SLC38A7: variants seen among roughly 807,000 people sequenced by gnomAD.
The protein encoded by SLC38A7 is sodium-coupled neutral amino acid transporter 7.
A neutral mutation model predicts 50.1 loss-of-function variants in SLC38A7; 29 were observed. The ratio of observed to expected loss-of-function variants is 0.58; its 90% CI spans 0.43 to 0.79. SLC38A7 has a LOEUF of 0.79. Among genes scored for constraint, SLC38A7 ranks in the 30% least tolerant of loss-of-function variants. The pLI is 0.00. For synonymous variants in SLC38A7, 244 were observed against 245.9 expected (o/e 0.99, Z 0.07); for missense variants, 483 against 610.6 (o/e 0.79, Z 2.20).
In SLC38A7 at chr16:58,678,550, G is replaced by A; in HGVS notation, c.470-76C>T. 2 of 1,553,234 alleles carry A rather than the reference G, an allele frequency of 1.3e-6. No individual in the cohort carries two copies. The highest frequency in any genetic ancestry group is 1.2e-5 in the South Asian group (1 of 81,552). Reference sequence around the variant, plus strand: ...GCCCTCCTGCTCTGCTGGGCCCCAGGACCTCCCTCTGCCTGGAGGGAGGAT... The same window carrying A: ...GCCCTCCTGCTCTGCTGGGCCCCAGAACCTCCCTCTGCCTGGAGGGAGGAT... On this transcript the variant is annotated intron_variant, in intron 4 of 11. Coordinates refer to ENST00000219320, the MANE Select transcript of SLC38A7 (RefSeq NM_018231.3). The surrounding 1 kb of genome is among the most constrained non-coding windows in gnomAD (Gnocchi z 4.0).
At chr16:58,669,050 G>GT (rs1567468713) in intron 11 of SLC38A7, among the ~76,000 whole-genome samples, 1 of 139,548 alleles carries the variant, frequency 7.2e-6, no homozygotes, top group Non-Finnish European at 1.5e-5. Flanking sequence ...GATTACAGGC[G>GT]TGAGTCACTG....
intron 7 of SLC38A7, 80 bp from the exon 8 acceptor site, chr16:58,676,134 G>T: frequency 1.3e-6 from 2 of 1,555,600 alleles, no homozygotes; most frequent in South Asian, 1.1e-5. Context: ...TGGGAACAAA[G>T]ACCCCAGGAA....
chr16:58,678,970 A>AAATG lies in SLC38A7; in HGVS notation c.271-77_271-76insCATT. ...GGCACCCTGGGCTCGCCTAGCATTTACTGGGCCAGTGCCCAAAGCAAGCTT... is the reference window on the plus strand; with the variant it reads ...GGCACCCTGGGCTCGCCTAGCATTTAAATGCTGGGCCAGTGCCCAAAGCAAGCTT... On this transcript the variant is annotated intron_variant, in intron 3 of 11. Transcript: ENST00000219320. This position sits in a 1 kb window ranked among gnomAD's most constrained non-coding sequence, Gnocchi z 4.0. 1 of 1,448,856 alleles carries AAATG rather than the reference A, an allele frequency of 6.9e-7. No homozygotes were observed. The highest frequency in any genetic ancestry group is 9.5e-7 in the Non-Finnish European group (1 of 1,055,636). 89.8% of individuals were successfully genotyped at this position (1,448,856 alleles called of 1,614,324 possible). A position where few individuals can be genotyped will look rare whatever the true frequency, so the allele number is the denominator to read the frequency against.
Position 58,678,675 on chromosome 16 carries a change from G to A in SLC38A7, c.469+21C>T, listed in dbSNP as rs1351550195. On this transcript the variant is annotated intron_variant, in intron 4 of 11. Coordinates refer to ENST00000219320, the MANE Select transcript of SLC38A7 (RefSeq NM_018231.3). This position sits in a 1 kb window ranked among gnomAD's most constrained non-coding sequence, Gnocchi z 4.0. ...GGGGCTGATAAGAAGAGATGGGGTAGGGACTGAGGGAGAAGCTCACTCTTG... is the reference window on the plus strand; with the variant it reads ...GGGGCTGATAAGAAGAGATGGGGTAAGGACTGAGGGAGAAGCTCACTCTTG... The A allele has an allele frequency of 1.7e-5, 27 of 1,612,172 alleles. No individual in the cohort carries two copies. Among genetic ancestry groups the A allele is most frequent in the Non-Finnish European group, 2.3e-5 (27 of 1,179,246 alleles).
At position 58,667,249 on chromosome 16, in the gene SLC38A7, C is replaced by T. The variant is rs1597659953; in HGVS notation, c.*136G>A. 4.5e-6 allele frequency: 4 copies of T among 893,064 alleles called. No homozygotes were observed. The East Asian group carries it at 1.0e-4, about 23-fold the overall frequency. 55.3% of individuals were successfully genotyped at this position (893,064 alleles called of 1,614,324 possible). A position where few individuals can be genotyped will look rare whatever the true frequency, so the allele number is the denominator to read the frequency against. ...CCAGAGGTGTGGGGCCTGAGTTTGC[C>T]CCAGTCCCTGGAAGAGGATGTCCGG... On this transcript the variant is annotated 3_prime_UTR_variant, in exon 12 of 12. Transcript: ENST00000219320.
chr16:58,680,203 C>A lies in SLC38A7; in HGVS notation c.-77G>T, dbSNP rs973552603. 30 of 1,455,358 alleles carry A rather than the reference C, an allele frequency of 2.1e-5. No individual in the cohort carries two copies. Among genetic ancestry groups the A allele is most frequent in the Non-Finnish European group, 2.7e-5 (30 of 1,102,408 alleles). The allele number at this position is 1,455,358 out of a possible 1,614,324, so 90.2% of individuals were successfully genotyped here. Reference sequence around the variant, plus strand: ...CATGCCTCAGGGAGCTGAGCAACACCCACCTGTTTGGGGCTGTTAGCTTAG... The same window carrying A: ...CATGCCTCAGGGAGCTGAGCAACACACACCTGTTTGGGGCTGTTAGCTTAG... On this transcript the variant is annotated 5_prime_UTR_variant, in exon 3 of 12. Transcript: ENST00000219320.
chr16:58,680,024 G>A lies in SLC38A7; in HGVS notation c.103C>T (p.Pro35Ser). 6.2e-7 allele frequency: 1 copy of A among 1,609,984 alleles called. No individual in the cohort carries two copies. The change falls in exon 3 of 12, where the codon CCC becomes TCC. Residue 35 changes from proline to serine, a missense_variant. Transcript: ENST00000219320. ...LLQSPCVDTA[P>S]KSEWEASPGG... Reference sequence around the variant, plus strand: ...GGAGAGGCTTCCCACTCACTCTTGGGGGCTGTGTCCACACAGGGACTCTGC... The same window carrying A: ...GGAGAGGCTTCCCACTCACTCTTGGAGGCTGTGTCCACACAGGGACTCTGC...
Position 58,678,538 on chromosome 16 carries a change from G to A in SLC38A7, c.470-64C>T. 1 of 1,551,630 alleles carries A rather than the reference G, an allele frequency of 6.4e-7. No homozygotes were observed. Among genetic ancestry groups the A allele is most frequent in the Non-Finnish European group, 8.7e-7 (1 of 1,145,290 alleles). ...CCATGGGGTGTGGCCCTCCTGCTCT[G>A]CTGGGCCCCAGGACCTCCCTCTGCC... On this transcript the variant is annotated intron_variant, in intron 4 of 11. Transcript: ENST00000219320. This position sits in a 1 kb window ranked among gnomAD's most constrained non-coding sequence, Gnocchi z 4.0.
chr16:58,670,276 A>C, intron 10 of SLC38A7, 109 bp from the exon 11 acceptor site: 1 of 1,031,508 alleles, frequency 9.7e-7, no homozygotes. Flanking sequence ...GCCCATGTTT[A>C]CTCTTCTAGA....
In SLC38A7 at chr16:58,679,845, C is replaced by G; in HGVS notation, c.270+12G>C. On this transcript the variant is annotated intron_variant, in intron 3 of 11. Transcript: ENST00000219320. ...TGAACTGCACCTCTGCCCTCCCGGC[C>G]AGTGCACTCACCATCTGCAGTGCGA... is the stretch of plus-strand genomic sequence containing the variant. The G allele has an allele frequency of 1.2e-6, 2 of 1,613,380 alleles. No individual in the cohort carries two copies. Among genetic ancestry groups the G allele is most frequent in the Non-Finnish European group, 1.7e-6 (2 of 1,180,014 alleles).
intron 8 of SLC38A7, among the ~76,000 whole-genome samples, chr16:58,675,624 A>G (rs1358378924): frequency 6.6e-6 from 1 of 152,208 alleles, no homozygotes; most frequent in Non-Finnish European, 1.5e-5. Context: ...TTACTCCTGC[A>G]TGACTGTCTC....
Position 58,680,234 on chromosome 16 carries a change from T to G in SLC38A7, c.-108A>C, listed in dbSNP as rs1468756720. 1.6e-6 allele frequency: 2 copies of G among 1,289,054 alleles called. No homozygotes were observed. Among genetic ancestry groups the G allele is most frequent in the African/African-American group, 3.0e-5 (2 of 66,744 alleles). The allele number at this position is 1,289,054 out of a possible 1,614,324, so 79.9% of individuals were successfully genotyped here. A position where few individuals can be genotyped will look rare whatever the true frequency, so the allele number is the denominator to read the frequency against. On this transcript the variant is annotated 5_prime_UTR_variant, in exon 3 of 12. Transcript: ENST00000219320. ...GTTTGGGGCTGTTAGCTTAGGACTC[T>G]TCTCAACCTAGATGGGACAAAGGCA...
intron 8 of SLC38A7, chr16:58,675,346 G>GA (rs58028000): frequency 0.19 from 62,593 of 322,392 alleles, 1,408 homozygotes; most frequent in Non-Finnish European, 0.21. Flanking sequence ...GTCTCTGCTA[G>GA]AAAAAAAAAA....
rs189625164 is a variant in SLC38A7, at chr16:58,667,306, C to G, written c.*79G>C. ...TCCCACCAGTTGGAATGATCGTGGACTAAGAATGGCCCCATAGCTCTAAGA... is the reference window on the plus strand; with the variant it reads ...TCCCACCAGTTGGAATGATCGTGGAGTAAGAATGGCCCCATAGCTCTAAGA... On this transcript the variant is annotated 3_prime_UTR_variant, in exon 12 of 12. Transcript: ENST00000219320. 22 of 1,430,338 alleles carry G rather than the reference C, an allele frequency of 1.5e-5. No individual in the cohort carries two copies. The East Asian group carries it at 4.8e-4, about 31-fold the overall frequency. The allele number at this position is 1,430,338 out of a possible 1,614,324, so 88.6% of individuals were successfully genotyped here. A position where few individuals can be genotyped will look rare whatever the true frequency, so the allele number is the denominator to read the frequency against.
rs898476577 is a variant in SLC38A7 at position 58,668,433 on chromosome 16, G to A, written c.1287-946C>T. Among the ~76,000 whole-genome samples, 13 of 152,296 alleles carry A rather than the reference G, an allele frequency of 8.5e-5. No individual in the cohort carries two copies. The South Asian group carries it at 1.7e-3, about 19-fold the overall frequency. On this transcript the variant is annotated intron_variant, in intron 11 of 11. Transcript: ENST00000219320. ...CTACCAAAAATACAAAAATTAGCCAGGCATGGTGCTGCGCACCTGTAATCC... is the reference window on the plus strand; with the variant it reads ...CTACCAAAAATACAAAAATTAGCCAAGCATGGTGCTGCGCACCTGTAATCC...
chr16:58,682,188 A>G (rs1398697292), intron 2 of SLC38A7, among the ~76,000 whole-genome samples: 2 of 152,082 alleles, frequency 1.3e-5, no homozygotes, highest in Non-Finnish European at 2.9e-5. Context: ...CTCAAACCAC[A>G]GCCTGGTGCT....
chr16:58,678,538 G>C lies in SLC38A7; in HGVS notation c.470-64C>G. On this transcript the variant is annotated intron_variant, in intron 4 of 11. Coordinates refer to ENST00000219320, the MANE Select transcript of SLC38A7 (RefSeq NM_018231.3). This position sits in a 1 kb window ranked among gnomAD's most constrained non-coding sequence, Gnocchi z 4.0. The stretch of plus-strand genomic sequence containing the variant: ...CCATGGGGTGTGGCCCTCCTGCTCT[G>C]CTGGGCCCCAGGACCTCCCTCTGCC... 2 of 1,551,630 alleles carry C rather than the reference G, an allele frequency of 1.3e-6. No homozygotes were observed. The highest frequency in any genetic ancestry group is 8.7e-7 in the Non-Finnish European group (1 of 1,145,290).
intron 8 of SLC38A7, among the ~76,000 whole-genome samples, chr16:58,675,009 C>T (rs1208926176): frequency 6.6e-6 from 1 of 152,188 alleles, no homozygotes; most frequent in Non-Finnish European, 1.5e-5. Context: ...TCACTGCCTT[C>T]ACCTGCCCCC....
chr16:58,672,670 A>G (rs949938540), intron 8 of SLC38A7, among the ~76,000 whole-genome samples: 1 of 152,076 alleles, frequency 6.6e-6, no homozygotes, highest in African/African-American at 2.4e-5. Flanking sequence ...TTTTTGAGAC[A>G]GAGTCTTGCC....
Sources: gnomAD v4.1 joint callset for allele counts (sites outside exome capture counted in the v4.1 genomes callset) on GRCh38, gnomAD v4.1.1 for gene constraint, Gnocchi (gnomAD v3.1) non-coding constraint, MANE v1.5 for transcripts, NCBI Gene and HGNC (gene_info 2026-07-23, HGNC 2026-07-21) for gene names.